The following TBC1D5 variants were observed in gnomAD, a reference collection of about 807,000 sequenced individuals.
TBC1D5 encodes TBC1 domain family member 5.
TBC1D5 carries 75 observed loss-of-function variants against 100.3 expected under a neutral mutation model. That is an observed-to-expected ratio of 0.75 (90% CI 0.62 to 0.91). The LOEUF (loss-of-function observed/expected upper bound fraction) is 0.91, where lower values mean the gene tolerates loss of function less well. Among genes scored for constraint, TBC1D5 ranks in the 40% least tolerant of loss-of-function variants. TBC1D5 has a pLI of 0.00. For missense variants in TBC1D5, 910 were observed against 942.4 expected, an observed-to-expected ratio of 0.97 and a Z score of 0.45; for synonymous variants, 323 against 325.6, an observed-to-expected ratio of 0.99 and a Z score of 0.09.
At chr3:17,282,489 A>G (rs2080716491) in intron 15 of TBC1D5, among the ~76,000 whole-genome samples, 1 of 152,198 alleles carries the variant, frequency 6.6e-6, no homozygotes, top group Non-Finnish European at 1.5e-5. Context: ...CTTAATGAGA[A>G]CAAGTTAACC....
At chr3:17,296,020 C>T (rs1475618797) in intron 14 of TBC1D5, among the ~76,000 whole-genome samples, 1 of 152,162 alleles carries the variant, frequency 6.6e-6, no homozygotes, top group African/African-American at 2.4e-5. Context: ...AAGCCTCACA[C>T]ACCACTGTGT....
intron 13 of TBC1D5, among the ~76,000 whole-genome samples, chr3:17,336,165 A>C (rs138721359): frequency 3.9e-5 from 6 of 152,232 alleles, no homozygotes; most frequent in African/African-American, 1.4e-4. Context: ...GAGAAGCCAA[A>C]GATAGCTAGT....
chr3:17,573,898 G>A (rs750496375), intron 2 of TBC1D5, among the ~76,000 whole-genome samples: 1 of 151,654 alleles, frequency 6.6e-6, no homozygotes, highest in Non-Finnish European at 1.5e-5. Context: ...TAAACTACAA[G>A]CTCCTATTGG....
At chr3:17,473,872 C>T (rs977781823) in intron 3 of TBC1D5, among the ~76,000 whole-genome samples, 2 of 150,960 alleles carry the variant, frequency 1.3e-5, no homozygotes, top group Non-Finnish European at 1.5e-5. Flanking sequence ...CTGCTTTCCT[C>T]ATTAGTTTTT....
intron 2 of TBC1D5, among the ~76,000 whole-genome samples, chr3:17,551,176 T>C (rs1376461384): frequency 2.0e-5 from 3 of 152,106 alleles, no homozygotes; most frequent in East Asian, 1.9e-4. Flanking sequence ...ACAAGCTAAT[T>C]TGGGTTCCTA....
chr3:17,631,783 T>C (rs1430560940), intron 1 of TBC1D5, among the ~76,000 whole-genome samples: 1 of 152,192 alleles, frequency 6.6e-6, no homozygotes, highest in Admixed American at 6.6e-5. Context: ...TTATTGAACA[T>C]TTTAAGCCCA....
chr3:17,528,858 A>T (rs1344400630), intron 2 of TBC1D5, among the ~76,000 whole-genome samples: 4 of 152,210 alleles, frequency 2.6e-5, no homozygotes, highest in Non-Finnish European at 5.9e-5. Flanking sequence ...GCTAGCTCAA[A>T]ACACTACAAA....
intron 4 of TBC1D5, among the ~76,000 whole-genome samples, chr3:17,420,328 A>G (rs1164399252): frequency 6.6e-6 from 1 of 152,182 alleles, no homozygotes; most frequent in Non-Finnish European, 1.5e-5. Flanking sequence ...AAAAGACAAC[A>G]CAATCTGATA....
intron 1 of TBC1D5, among the ~76,000 whole-genome samples, chr3:17,670,140 G>A (rs554397843): frequency 6.6e-6 from 1 of 152,022 alleles, no homozygotes; most frequent in Non-Finnish European, 1.5e-5. Context: ...TGCTCACCTC[G>A]GCCTCCCAAA....
intron 19 of TBC1D5, among the ~76,000 whole-genome samples, chr3:17,171,266 G>C (rs578105076): frequency 1.3e-5 from 2 of 152,006 alleles, no homozygotes; most frequent in Non-Finnish European, 2.9e-5. Flanking sequence ...TCTACCTATG[G>C]GCTTCTTTCA....
chr3:17,212,380 A>G (rs2073089452), intron 18 of TBC1D5, among the ~76,000 whole-genome samples: 1 of 151,820 alleles, frequency 6.6e-6, no homozygotes, highest in South Asian at 2.1e-4. Context: ...GGCCAGTCAT[A>G]TGTAAGTATG....
chr3:17,360,097 A>G (rs970249084), intron 13 of TBC1D5, among the ~76,000 whole-genome samples: 2 of 152,016 alleles, frequency 1.3e-5, no homozygotes, highest in Non-Finnish European at 2.9e-5. Flanking sequence ...AGGCAATGTC[A>G]GTTTTAAAGT....
At chr3:17,567,305 C>A (rs144566934) in intron 2 of TBC1D5, among the ~76,000 whole-genome samples, 1 of 151,792 alleles carries the variant, frequency 6.6e-6, no homozygotes, top group East Asian at 1.9e-4. Flanking sequence ...CTAAAGCAGA[C>A]CACTCACTAA....
chr3:17,719,818 GA>G (rs1218728004), intron 1 of TBC1D5, among the ~76,000 whole-genome samples: 1 of 152,022 alleles, frequency 6.6e-6, no homozygotes, highest in Non-Finnish European at 1.5e-5. Flanking sequence ...CTCAAAATAG[GA>G]AATACAAAGC....
intron 13 of TBC1D5, among the ~76,000 whole-genome samples, chr3:17,346,266 A>C (rs923579636): frequency 6.6e-6 from 1 of 152,192 alleles, no homozygotes; most frequent in Non-Finnish European, 1.5e-5. Context: ...AATATGGGGT[A>C]CACTGAATTA....
chr3:17,381,394 G>A (rs1257621818), intron 9 of TBC1D5, among the ~76,000 whole-genome samples: 1 of 151,956 alleles, frequency 6.6e-6, no homozygotes, highest in Non-Finnish European at 1.5e-5. Context: ...CTATCATCAA[G>A]TCTTTTACTA....
chr3:17,293,787 T>C (rs1255742396), intron 14 of TBC1D5, among the ~76,000 whole-genome samples: 4 of 152,236 alleles, frequency 2.6e-5, no homozygotes, highest in African/African-American at 9.6e-5. Flanking sequence ...AAGCAGCTAT[T>C]ACTACTAATA....
intron 17 of TBC1D5, among the ~76,000 whole-genome samples, chr3:17,215,224 CA>C (rs953459947): frequency 2.3e-4 from 35 of 152,028 alleles, no homozygotes; most frequent in African/African-American, 4.6e-4. Flanking sequence ...GGGGGTGAGT[CA>C]GGGGGAACAA....
At chr3:17,182,170 T>C (rs1370959071) in intron 19 of TBC1D5, among the ~76,000 whole-genome samples, 6 of 152,242 alleles carry the variant, frequency 3.9e-5, no homozygotes, top group Non-Finnish European at 8.8e-5. Flanking sequence ...CATTGTTGTA[T>C]TGTGCATTTG....
Sources: gnomAD v4.1 joint callset for allele counts (sites outside exome capture counted in the v4.1 genomes callset) on GRCh38, gnomAD v4.1.1 for gene constraint, MANE v1.5 for transcripts, NCBI Gene and HGNC (gene_info 2026-07-23, HGNC 2026-07-21) for gene names.